TMEM176B: variants seen among roughly 807,000 people sequenced by gnomAD.
TMEM176B encodes transmembrane protein 176B, also known as LR8-like protein.
A neutral mutation model predicts 30.3 loss-of-function variants in TMEM176B; 28 were observed. The observed-to-expected ratio is 0.92, with a 90% CI of 0.68 to 1.27. The LOEUF (loss-of-function observed/expected upper bound fraction) is 1.27, where lower values mean the gene tolerates loss of function less well. Among genes scored for constraint, TMEM176B ranks in the 50% most tolerant of loss-of-function variants. The pLI is 0.00. For missense variants in TMEM176B, 349 were observed against 327.4 expected, an observed-to-expected ratio of 1.07 and a Z score of -0.51; for synonymous variants, 123 against 130.3, an observed-to-expected ratio of 0.94 and a Z score of 0.38.
At position 150,791,318 on chromosome 7, in the gene TMEM176B, T is replaced by C; in HGVS notation, c.*213A>G. ...GGCAAAACTGCTTTTCTGGATTGTT[T>C]ATTATGTTTAATCAGCATTGTGGAA... On this transcript the variant is annotated 3_prime_UTR_variant, in exon 7 of 7. Transcript: ENST00000326442. 1 of 490,610 alleles carries C rather than the reference T, an allele frequency of 2.0e-6. No homozygotes were observed. Among genetic ancestry groups the C allele is most frequent in the South Asian group, 3.8e-5 (1 of 26,018 alleles). The allele number at this position is 490,610 out of a possible 1,614,324, so 30.4% of individuals were successfully genotyped here.
chr7:150,796,856 A>T, intron 1 of TMEM176B: 1 of 335,956 alleles, frequency 3.0e-6, no homozygotes, highest in Non-Finnish European at 5.6e-6. Flanking sequence ...CAGGAGGCTG[A>T]GGCAGGAGAA....
Position 150,793,126 on chromosome 7 carries a change from G to C in TMEM176B, c.562C>G (p.Gln188Glu). ...WMRRSQENQW[Q>E]KEECRAYMQM... Reference sequence around the variant, plus strand: ...ATGTAAGCTCTACACTCCTCCTTCTGCCATTGGTTCTCTTGACTTCGCCGC... The same window carrying C: ...ATGTAAGCTCTACACTCCTCCTTCTCCCATTGGTTCTCTTGACTTCGCCGC... The change falls in exon 5 of 7, where the codon CAG becomes GAG. Residue 188 changes from glutamine (Q) to glutamate (E), a missense_variant. Transcript: ENST00000326442. 1 of 1,614,164 alleles carries C rather than the reference G, an allele frequency of 6.2e-7. No homozygotes were observed. The highest frequency in any genetic ancestry group is 1.1e-5 in the South Asian group (1 of 91,072).
At chr7:150,794,361 A>G (rs1798437891) in intron 2 of TMEM176B, among the ~76,000 whole-genome samples, 2 of 146,774 alleles carry the variant, frequency 1.4e-5, no homozygotes, top group South Asian at 2.3e-4. Context: ...TTCCCCCCCC[A>G]TTCTCCTTCA....
chr7:150,794,067 G>C lies in TMEM176B; in HGVS notation c.209C>G (p.Thr70Ser), dbSNP rs759457249. 3.1e-5 allele frequency: 50 copies of C among 1,612,680 alleles called. No individual in the cohort carries two copies. In the Admixed American group the frequency reaches 8.4e-4, roughly 27 times the overall value. The change falls in exon 3 of 7, where the codon ACT becomes AGT. Residue 70 changes from threonine to serine, a missense_variant. Coordinates refer to ENST00000326442, the MANE Select transcript of TMEM176B (RefSeq NM_001101312.2). ...ACTCACAACCCCCAGCAATATCTGA[G>C]TCACCTGCAAGACAGGATGAGAAAC... ...IGYEQLALGVTQILLGVVSCV... is the reference protein window; with the variant it reads ...IGYEQLALGVSQILLGVVSCV...
chr7:150,798,374 C>T (rs1382508041), intron 1 of TMEM176B, among the ~76,000 whole-genome samples: 3 of 152,180 alleles, frequency 2.0e-5, no homozygotes, highest in African/African-American at 2.4e-5. Flanking sequence ...CTCCACCTCC[C>T]GGGTTCACGC....
At chr7:150,801,038 C>G (rs1466140795), upstream of TMEM176B, 1 of 969,260 alleles carries the variant, frequency 1.0e-6, no homozygotes, top group Non-Finnish European at 1.2e-6. Context: ...GCGGCGTGAA[C>G]CCGTCGGGCG....
rs780721370 is a variant in TMEM176B, at chr7:150,796,484, T to G, written c.86A>C (p.Gln29Pro). Reference sequence around the variant, plus strand: ...CAGCAGTTGTGTCAAAGCTGACTCCTGGTGGATGTGGACGTTGACGTGGGT... The same window carrying G: ...CAGCAGTTGTGTCAAAGCTGACTCCGGGTGGATGTGGACGTTGACGTGGGT... ...QPTHVNVHIH[Q>P]ESALTQLLKA... The change falls in exon 2 of 7, where the codon CAG becomes CCG. Residue 29 changes from glutamine (Q) to proline (P), a missense_variant. By Grantham distance (76) the Gln-to-Pro change is moderately conservative. Transcript: ENST00000326442. 100 of 1,614,074 alleles carry G rather than the reference T, an allele frequency of 6.2e-5. No individual in the cohort carries two copies. In the Admixed American group the frequency reaches 1.7e-3, roughly 27 times the overall value.
intron 1 of TMEM176B, chr7:150,800,056 G>GTT (rs1798709035): frequency 6.6e-6 from 1 of 152,384 alleles, no homozygotes; most frequent in Non-Finnish European, 1.5e-5. Flanking sequence ...GCGTGCAGGC[G>GTT]GCAGAAGGTG....
At chr7:150,796,127 C>T (rs1464492509) in intron 2 of TMEM176B, among the ~76,000 whole-genome samples, 2 of 152,152 alleles carry the variant, frequency 1.3e-5, no homozygotes, top group African/African-American at 4.8e-5. Flanking sequence ...CTCACCAGCT[C>T]CCCAAAACCT....
rs1469183158 is a variant in TMEM176B, at chr7:150,796,385, T to G, written c.185A>C (p.Tyr62Ser). 1 of 1,614,072 alleles carries G rather than the reference T, an allele frequency of 6.2e-7. No individual in the cohort carries two copies. The highest frequency in any genetic ancestry group is 2.2e-5 in the East Asian group (1 of 44,900). Reference protein sequence around the residue: ...DTVPSTARIGYEQLALGVTQI... With the variant: ...DTVPSTARIGSEQLALGVTQI... ...TCTTACCCCTAGAGCCAGCTGCTCA[T>G]AACCAATCCTGGCTGTGGAAGGCAC... Residue 62 changes from tyrosine (Y) to serine (S), a missense_variant, in exon 2 of 7, where the codon TAT becomes TCT. Coordinates refer to ENST00000326442, the MANE Select transcript of TMEM176B (RefSeq NM_001101312.2).
Position 150,793,957 on chromosome 7 carries a change from T to G in TMEM176B, c.315+4A>C. ...TCCAGGCTCACAGCCTGTTCCTTAC[T>G]CACCACAGACCCCGCCCAGAAGGCA... is the stretch of plus-strand genomic sequence containing the variant. On this transcript the variant is annotated splice_donor_region_variant and intron_variant, in intron 3 of 6. Coordinates refer to ENST00000326442, the MANE Select transcript of TMEM176B (RefSeq NM_001101312.2). 1 of 1,593,276 alleles carries G rather than the reference T, an allele frequency of 6.3e-7. No homozygotes were observed. The highest frequency in any genetic ancestry group is 1.1e-5 in the South Asian group (1 of 87,852).
intron 1 of TMEM176B, 76 bp from the exon 2 acceptor site, chr7:150,796,650 G>A: frequency 7.1e-7 from 1 of 1,407,794 alleles, no homozygotes; most frequent in Non-Finnish European, 9.9e-7. Flanking sequence ...GGTGAAAGGA[G>A]AGAAATAGTG....
intron 6 of TMEM176B, 48 bp from the exon 7 acceptor site, chr7:150,791,671 A>C: frequency 6.5e-7 from 1 of 1,527,402 alleles, no homozygotes; most frequent in Non-Finnish European, 9.0e-7. Context: ...GGATGCAGGC[A>C]GAGTTAGTAT....
chr7:150,793,433 C>A, intron 4 of TMEM176B, 111 bp downstream of exon 4: 1 of 1,523,668 alleles, frequency 6.6e-7, no homozygotes, highest in Admixed American at 1.9e-5. Flanking sequence ...CTCTCCTCCC[C>A]TCCAAGAAAG....
Position 150,793,318 on chromosome 7 carries a change from G to C in TMEM176B, c.373-3C>G, listed in dbSNP as rs773380604. 1 of 1,613,196 alleles carries C rather than the reference G, an allele frequency of 6.2e-7. No individual in the cohort carries two copies. Among genetic ancestry groups the C allele is most frequent in the South Asian group, 1.1e-5 (1 of 90,932 alleles). ...GTGAGCAGGCTGGATATATAGCCCT[G>C]GAAGAGAAAGAGGGTCATGACACAC... On this transcript the variant is annotated splice_polypyrimidine_tract_variant and splice_region_variant and intron_variant, in intron 4 of 6. Coordinates refer to ENST00000326442, the MANE Select transcript of TMEM176B (RefSeq NM_001101312.2).
intron 2 of TMEM176B, among the ~76,000 whole-genome samples, chr7:150,795,862 TGAA>T (rs937590604): frequency 2.0e-5 from 3 of 152,142 alleles, no homozygotes; most frequent in Non-Finnish European, 2.9e-5. Context: ...TGCATCCTAT[TGAA>T]GAAGGAGAGT....
In TMEM176B at chr7:150,793,266, G is replaced by A. The variant is rs1416548105; in HGVS notation, c.422C>T (p.Ala141Val). Residue 141 changes from alanine to valine, a missense_variant, in exon 5 of 7, where the codon GCT (alanine) becomes GTT (valine). Coordinates refer to ENST00000326442, the MANE Select transcript of TMEM176B (RefSeq NM_001101312.2). The part of the protein sequence containing the change: ...LTLAGFATAM[A>V]AVVLCVNSFI... ...GCTATTCACGCAGAGGACAACAGCA[G>A]CCATAGCTGTAGCAAAGCCTGCCAG... 1.9e-6 allele frequency: 3 copies of A among 1,614,216 alleles called. No individual in the cohort carries two copies. The highest frequency in any genetic ancestry group is 2.2e-5 in the South Asian group (2 of 91,084).
intron 6 of TMEM176B, 120 bp downstream of exon 6, chr7:150,791,936 A>G: frequency 7.0e-7 from 1 of 1,423,614 alleles, no homozygotes; most frequent in Non-Finnish European, 9.6e-7. Context: ...ATATGGAAAG[A>G]AGCTGAGGGG....
Position 150,792,050 on chromosome 7 carries a change from A to G in TMEM176B, c.720+6T>C, listed in dbSNP as rs770753771. 5.6e-6 allele frequency: 9 copies of G among 1,613,300 alleles called. No homozygotes were observed. Among genetic ancestry groups the G allele is most frequent in the Non-Finnish European group, 6.8e-6 (8 of 1,179,672 alleles). ...GCTGCCCAGAGGCCCCTCCCCGACA[A>G]CTCACCAGGGGCTGGGAGCTCTGGC... is the stretch of plus-strand genomic sequence containing the variant. On this transcript the variant is annotated splice_donor_region_variant and intron_variant, in intron 6 of 6. Transcript: ENST00000326442.
Sources: allele counts gnomAD v4.1 joint callset (sites outside exome capture counted in the v4.1 genomes callset), GRCh38; gene constraint gnomAD v4.1.1; transcripts MANE v1.5; gene names NCBI Gene and HGNC (gene_info 2026-07-23, HGNC 2026-07-21).